The following BBS9 variants were observed in gnomAD, a reference collection of about 807,000 sequenced individuals.
BBS9 encodes the protein Bardet-Biedl syndrome 9.
A neutral mutation model predicts 117.7 loss-of-function variants in BBS9; 89 were observed. The ratio of observed to expected loss-of-function variants is 0.76; its 90% CI spans 0.64 to 0.90. BBS9 has a LOEUF of 0.90. Ranked by LOEUF, BBS9 falls within the 40% of genes least tolerant of loss-of-function variation. The pLI, the probability that BBS9 is intolerant of heterozygous loss-of-function variation, is 0.00. For missense variants in BBS9, 982 were observed against 1,042.2 expected (o/e 0.94, Z 0.80); for synonymous variants, 379 against 370.9 (o/e 1.02, Z -0.25).
chr7:33,378,597 AGACT>A (rs1479417682), intron 17 of BBS9, among the ~76,000 whole-genome samples: 2 of 152,228 alleles, frequency 1.3e-5, no homozygotes, highest in African/African-American at 4.8e-5. Context: ...AGAAAAGCTT[AGACT>A]TATTCACATT....
rs564770372 is a variant in BBS9 at position 33,457,080 on chromosome 7, A to T, written c.2116-48383A>T. 2.6e-5 allele frequency among the ~76,000 whole-genome samples: 4 copies of T among 152,306 alleles called. No individual in the cohort carries two copies. The South Asian group carries it at 8.3e-4, about 32-fold the overall frequency. Reference sequence around the variant, plus strand: ...CCATACGTGTACGTCAGACTATTTTAAAGCTAGTCCTTTGGGAGAGAGATT... The same window carrying T: ...CCATACGTGTACGTCAGACTATTTTTAAGCTAGTCCTTTGGGAGAGAGATT... On this transcript the variant is annotated intron_variant, in intron 19 of 22. Coordinates refer to ENST00000242067, the MANE Select transcript of BBS9 (RefSeq NM_198428.3).
chr7:33,237,968 T>G (rs1793809116), intron 5 of BBS9, among the ~76,000 whole-genome samples: 1 of 152,166 alleles, frequency 6.6e-6, no homozygotes, highest in Admixed American at 6.6e-5. Context: ...CTTCTCTTCC[T>G]CTCCTCCCTC....
chr7:33,593,831 C>G (rs10215226), intron 21 of BBS9, among the ~76,000 whole-genome samples: 9,939 of 152,180 alleles, frequency 0.065, 556 homozygotes, highest in African/African-American at 0.15. Context: ...TGGATCCATT[C>G]CAATCTGTAG....
intron 9 of BBS9, among the ~76,000 whole-genome samples, chr7:33,302,845 A>G (rs1806779502): frequency 6.6e-6 from 1 of 152,178 alleles, no homozygotes; most frequent in South Asian, 2.1e-4. Context: ...TAGTGATATC[A>G]TTGAATGTCT....
intron 9 of BBS9, among the ~76,000 whole-genome samples, chr7:33,328,956 A>C (rs957126150): frequency 9.7e-4 from 147 of 151,608 alleles, no homozygotes; most frequent in African/African-American, 3.4e-3. Flanking sequence ...GGAAAATAGA[A>C]CTTTTTTTTT....
At chr7:33,599,966 A>G (rs1023819424) in intron 21 of BBS9, among the ~76,000 whole-genome samples, 1 of 152,174 alleles carries the variant, frequency 6.6e-6, no homozygotes, top group Non-Finnish European at 1.5e-5. Context: ...TGCCACATTT[A>G]GTCACTAGAT....
intron 5 of BBS9, among the ~76,000 whole-genome samples, chr7:33,205,500 T>C (rs542192440): frequency 6.6e-6 from 1 of 152,330 alleles, no homozygotes; most frequent in South Asian, 2.1e-4. Context: ...AAAATTTCTT[T>C]TTGTAACTGT....
At chr7:33,206,434 A>G (rs1441320545) in intron 5 of BBS9, among the ~76,000 whole-genome samples, 1 of 152,152 alleles carries the variant, frequency 6.6e-6, no homozygotes, top group Non-Finnish European at 1.5e-5. Flanking sequence ...AGACATTATT[A>G]TATTTCCTTT....
At chr7:33,544,894 G>A (rs1292518771) in intron 21 of BBS9, among the ~76,000 whole-genome samples, 1 of 152,104 alleles carries the variant, frequency 6.6e-6, no homozygotes, top group Non-Finnish European at 1.5e-5. Flanking sequence ...ATGGGGGCAA[G>A]ATTCCCAGGT....
chr7:33,486,861 T>C (rs1007906981), intron 19 of BBS9, among the ~76,000 whole-genome samples: 1 of 152,222 alleles, frequency 6.6e-6, no homozygotes, highest in Non-Finnish European at 1.5e-5. Flanking sequence ...TACAGCTGCT[T>C]CAGACCAGTG....
At chr7:33,458,010 A>G (rs1389083661) in intron 19 of BBS9, among the ~76,000 whole-genome samples, 1 of 152,178 alleles carries the variant, frequency 6.6e-6, no homozygotes, top group Non-Finnish European at 1.5e-5. Context: ...TAGCTCTGAG[A>G]CAATTAGCTG....
intron 19 of BBS9, among the ~76,000 whole-genome samples, chr7:33,450,722 T>A (rs1031813273): frequency 2.6e-5 from 4 of 152,176 alleles, no homozygotes; most frequent in Non-Finnish European, 4.4e-5. Flanking sequence ...ATCAGATTAG[T>A]TTTTTTGTTG....
chr7:33,417,405 A>T (rs1023602802), intron 19 of BBS9, among the ~76,000 whole-genome samples: 1 of 152,216 alleles, frequency 6.6e-6, no homozygotes, highest in Non-Finnish European at 1.5e-5. Flanking sequence ...TTAGAATTTC[A>T]TATTCCTAGA....
intron 5 of BBS9, among the ~76,000 whole-genome samples, chr7:33,235,720 T>C (rs2128271386): frequency 6.6e-6 from 1 of 152,266 alleles, no homozygotes; most frequent in South Asian, 2.1e-4. Flanking sequence ...TGGAAATATG[T>C]ATGCACTAAA....
chr7:33,422,637 A>T (rs1341753057), intron 19 of BBS9, among the ~76,000 whole-genome samples: 1 of 152,218 alleles, frequency 6.6e-6, no homozygotes, highest in Non-Finnish European at 1.5e-5. Context: ...TTATAATGTG[A>T]TAATTTAAGA....
At chr7:33,602,205 T>TATACAGC (rs1863897729) in intron 21 of BBS9, among the ~76,000 whole-genome samples, 1 of 151,696 alleles carries the variant, frequency 6.6e-6, no homozygotes, top group African/African-American at 2.4e-5. Context: ...CAGGTGCAGC[T>TATACAGC]ACACAGCCCT....
At chr7:33,619,417 T>C (rs1194696678) in intron 21 of BBS9, among the ~76,000 whole-genome samples, 1 of 152,080 alleles carries the variant, frequency 6.6e-6, no homozygotes, top group East Asian at 1.9e-4. Context: ...GTAAGGGACT[T>C]CAGACCCCAC....
intron 20 of BBS9, among the ~76,000 whole-genome samples, chr7:33,512,442 G>T (rs1847104425): frequency 6.6e-6 from 1 of 152,128 alleles, no homozygotes; most frequent in Non-Finnish European, 1.5e-5. Context: ...ATTAATTGAA[G>T]CATCACTTTC....
At chr7:33,483,395 T>G (rs1842731305) in intron 19 of BBS9, among the ~76,000 whole-genome samples, 1 of 152,220 alleles carries the variant, frequency 6.6e-6, no homozygotes, top group Non-Finnish European at 1.5e-5. Context: ...ATGATAATGG[T>G]GTCTATTTTA....
Sources: allele counts gnomAD v4.1 joint callset (sites outside exome capture counted in the v4.1 genomes callset), GRCh38; gene constraint gnomAD v4.1.1; transcripts MANE v1.5; gene names NCBI Gene and HGNC (gene_info 2026-07-23, HGNC 2026-07-21).